Variants in CNTN5 observed in about 807,000 individuals in gnomAD.
The protein encoded by CNTN5 is contactin 5.
A neutral mutation model predicts 129.1 loss-of-function variants in CNTN5; 77 were observed. The observed-to-expected ratio is 0.60, with a 90% CI of 0.50 to 0.72. The LOEUF is 0.72. Ranked by LOEUF, CNTN5 falls within the 30% of genes least tolerant of loss-of-function variation. The probability of loss-of-function intolerance (pLI) is 0.00; values close to 1 mark genes in which losing one functional copy is unlikely to be tolerated. For missense variants in CNTN5, 1,478 were observed against 1,328.8 expected, an observed-to-expected ratio of 1.11 and a Z score of -1.75; for synonymous variants, 509 against 465.6, an observed-to-expected ratio of 1.09 and a Z score of -1.20.
At chr11:99,855,020 A>G (rs1446441622) in intron 6 of CNTN5, among the ~76,000 whole-genome samples, 1 of 152,130 alleles carries the variant, frequency 6.6e-6, no homozygotes, top group Non-Finnish European at 1.5e-5. Flanking sequence ...CTCAAAAAAG[A>G]CCTTTGGGCC....
intron 23 of CNTN5, among the ~76,000 whole-genome samples, chr11:100,349,319 A>C (rs1952353893): frequency 6.6e-6 from 1 of 151,942 alleles, no homozygotes; most frequent in African/African-American, 2.4e-5. Context: ...TATGTCAATA[A>C]TTATCTAATT....
At chr11:100,304,900 A>G (rs1591497509) in intron 20 of CNTN5, among the ~76,000 whole-genome samples, 3 of 151,378 alleles carry the variant, frequency 2.0e-5, no homozygotes, top group Middle Eastern at 6.8e-3. Context: ...AGGGTTTGGA[A>G]CACAGCAGAG....
At chr11:99,647,516 A>G (rs753176532) in intron 3 of CNTN5, among the ~76,000 whole-genome samples, 2 of 151,994 alleles carry the variant, frequency 1.3e-5, no homozygotes, top group Non-Finnish European at 2.9e-5. Context: ...ATTTTTCACT[A>G]TTAATGATCT....
intron 9 of CNTN5, among the ~76,000 whole-genome samples, chr11:100,014,166 T>C (rs1940688524): frequency 6.6e-6 from 1 of 152,174 alleles, no homozygotes; most frequent in African/African-American, 2.4e-5. Context: ...GTATTTATTA[T>C]TTCAATAACT....
intron 3 of CNTN5, among the ~76,000 whole-genome samples, chr11:99,632,178 G>A (rs642456): frequency 0.6 from 91,213 of 151,130 alleles, 28,378 homozygotes; most frequent in Admixed American, 0.69. Flanking sequence ...TCTTAAAATT[G>A]TCTTACAATT....
At chr11:99,623,968 A>G (rs914638727) in intron 3 of CNTN5, among the ~76,000 whole-genome samples, 2 of 152,110 alleles carry the variant, frequency 1.3e-5, no homozygotes, top group Non-Finnish European at 2.9e-5. Flanking sequence ...TGAGAAGTTG[A>G]TATTCTGTCT....
At chr11:99,279,551 C>T (rs777415563) in intron 1 of CNTN5, among the ~76,000 whole-genome samples, 1 of 151,774 alleles carries the variant, frequency 6.6e-6, no homozygotes, top group African/African-American at 2.4e-5. Context: ...ACATGCTTGA[C>T]ATTTGCAAAT....
chr11:100,133,966 G>A (rs1946452457), intron 13 of CNTN5, among the ~76,000 whole-genome samples: 1 of 152,080 alleles, frequency 6.6e-6, no homozygotes, highest in South Asian at 2.1e-4. Flanking sequence ...ACCAGGAAAA[G>A]CAAAAGCTAG....
chr11:99,813,882 A>T (rs1363714093), intron 3 of CNTN5, among the ~76,000 whole-genome samples: 1 of 152,070 alleles, frequency 6.6e-6, no homozygotes, highest in African/African-American at 2.4e-5. Context: ...TTAAAGAGAG[A>T]CATTGTGGAA....
intron 2 of CNTN5, among the ~76,000 whole-genome samples, chr11:99,329,241 C>G (rs554278334): frequency 1.2e-4 from 18 of 152,088 alleles, no homozygotes; most frequent in South Asian, 8.3e-4. Context: ...TATAGGCTTT[C>G]TAGTACATAA....
intron 13 of CNTN5, among the ~76,000 whole-genome samples, chr11:100,179,880 G>A (rs1171100842): frequency 1.3e-5 from 2 of 151,980 alleles, no homozygotes; most frequent in Non-Finnish European, 2.9e-5. Flanking sequence ...AATCGTAATA[G>A]TCCTATGTCT....
chr11:100,126,520 C>G (rs185265659), intron 13 of CNTN5, among the ~76,000 whole-genome samples: 43 of 137,038 alleles, frequency 3.1e-4, no homozygotes, highest in African/African-American at 1.0e-3. Context: ...AATCCTTTAA[C>G]ATTATGTATT....
intron 1 of CNTN5, among the ~76,000 whole-genome samples, chr11:99,245,056 T>C (rs910781853): frequency 4.6e-5 from 7 of 152,210 alleles, no homozygotes; most frequent in Non-Finnish European, 1.0e-4. Flanking sequence ...GTAATGTTTT[T>C]GTGATAATTT....
At chr11:99,921,141 T>A (rs1056606359) in intron 7 of CNTN5, among the ~76,000 whole-genome samples, 2 of 152,196 alleles carry the variant, frequency 1.3e-5, no homozygotes, top group African/African-American at 4.8e-5. Flanking sequence ...GTTGTTTAAG[T>A]CATCCAGTCT....
At position 99,770,625 on chromosome 11, in the gene CNTN5, A is replaced by G. The variant is rs188790521; in HGVS notation, c.56-48919A>G. Among the ~76,000 whole-genome samples, 7 of 151,982 alleles carry G rather than the reference A, an allele frequency of 4.6e-5. No individual in the cohort carries two copies. In the East Asian group the frequency reaches 1.2e-3, roughly 25 times the overall value. On this transcript the variant is annotated intron_variant, in intron 3 of 24. Transcript: ENST00000524871. The stretch of plus-strand genomic sequence containing the variant: ...ATTTGTGTCTTTTTGAATTTCTTTC[A>G]TCAATGTCTTAGTTTGTAATGCACA...
At chr11:99,156,525 A>G (rs1193904867) in intron 1 of CNTN5, among the ~76,000 whole-genome samples, 2 of 152,036 alleles carry the variant, frequency 1.3e-5, no homozygotes, top group Non-Finnish European at 2.9e-5. Context: ...TAGCTTATAT[A>G]TATTTTGCCT....
intron 4 of CNTN5, among the ~76,000 whole-genome samples, chr11:99,829,042 T>C (rs1257611757): frequency 2.0e-5 from 3 of 152,140 alleles, no homozygotes; most frequent in Non-Finnish European, 4.4e-5. Context: ...AATTTAGTGA[T>C]TATGTTGTGA....
intron 13 of CNTN5, 134 bp downstream of exon 13, chr11:100,074,428 G>T: frequency 1.3e-6 from 1 of 780,570 alleles, no homozygotes; most frequent in Admixed American, 3.4e-5. Flanking sequence ...ACATGGTTTT[G>T]CCTATATAGT....
chr11:99,296,722 A>G (rs1864406642), intron 1 of CNTN5, among the ~76,000 whole-genome samples: 1 of 152,166 alleles, frequency 6.6e-6, no homozygotes, highest in African/African-American at 2.4e-5. Context: ...AGTCCAGGCT[A>G]TTAGAGCTTG....
Sources: allele counts gnomAD v4.1 joint callset (sites outside exome capture counted in the v4.1 genomes callset), GRCh38; gene constraint gnomAD v4.1.1; transcripts MANE v1.5; gene names NCBI Gene and HGNC (gene_info 2026-07-23, HGNC 2026-07-21).